Variants in ATP10A observed in about 807,000 individuals in gnomAD.
ATP10A encodes phospholipid-transporting ATPase VA.
ATP10A carries 111 observed loss-of-function variants against 147.8 expected under a neutral mutation model. The observed-to-expected ratio is 0.75, with a 90% CI of 0.64 to 0.88. The LOEUF (loss-of-function observed/expected upper bound fraction) is 0.88, where lower values mean the gene tolerates loss of function less well. ATP10A is among the 40% of genes least tolerant of loss of function. The pLI is 0.00. For synonymous variants in ATP10A, 875 were observed against 841.6 expected (o/e 1.04, Z -0.69); for missense variants, 1,927 against 1,959.0 (o/e 0.98, Z 0.31).
chr15:25,694,693 G>A (rs1319139793), intron 14 of ATP10A, 126 bp downstream of exon 14: 1 of 858,330 alleles, frequency 1.2e-6, no homozygotes, highest in Admixed American at 2.9e-5. Context: ...CTATCACACT[G>A]GGTGTGATTT....
At chr15:25,790,463 T>C (rs7359209) in intron 1 of ATP10A, among the ~76,000 whole-genome samples, 66,536 of 151,986 alleles carry the variant, frequency 0.44, 14,692 homozygotes, top group South Asian at 0.55. Flanking sequence ...AAGGGCTGAA[T>C]GTTGTCCCAG....
chr15:25,679,820 C>A lies in ATP10A; in HGVS notation c.4021G>T (p.Gly1341Trp), dbSNP rs200297626. 123 of 1,612,286 alleles carry A rather than the reference C, an allele frequency of 7.6e-5. 1 individual carries two copies. The East Asian group carries it at 2.7e-3, about 35-fold the overall frequency. The change falls in exon 21 of 21, where the codon GGG (glycine) becomes TGG (tryptophan). Residue 1341 changes from glycine (G) to tryptophan (W), a missense_variant. Coordinates refer to ENST00000555815, the MANE Select transcript of ATP10A (RefSeq NM_024490.4). ...PKDSGTEHSS[G>W]RTVKTSVPLS... ...GGCACAGAGGTCTTGACTGTCCTCC[C>A]TGATGAGTGCTCGGTTCCCGAGTCC...
chr15:25,694,943 C>G lies in ATP10A; in HGVS notation c.2964G>C (p.Glu988Asp). The change falls in exon 14 of 21, where the codon GAG (glutamate) becomes GAC (aspartate). Residue 988 changes from glutamate (E) to aspartate (D), a missense_variant. By Grantham distance (45) the Glu-to-Asp change is conservative. Transcript: ENST00000555815. ...GCTTGGCAAGGAAGAGGAATTTGTC[C>G]TCCAGGTTTTTCTCGAGAGCGTAGG... ...SLAYALEKNLEDKFLFLAKQC... is the reference protein window; with the variant it reads ...SLAYALEKNLDDKFLFLAKQC... The G allele has an allele frequency of 6.2e-7, 1 of 1,614,216 alleles. No homozygotes were observed. The highest frequency in any genetic ancestry group is 8.5e-7 in the Non-Finnish European group (1 of 1,180,034).
chr15:25,696,805 T>A lies in ATP10A; in HGVS notation c.2761-1659A>T, dbSNP rs1900364089. Among the ~76,000 whole-genome samples, 3 of 152,214 alleles carry A rather than the reference T, an allele frequency of 2.0e-5. No individual in the cohort carries two copies. The South Asian group carries it at 6.2e-4, about 32-fold the overall frequency. Reference sequence around the variant, plus strand: ...AAGATGAGGAAGTCTCCAATTTTATTTATTCTTTTTCGTCTATTATTTTGA... The same window carrying A: ...AAGATGAGGAAGTCTCCAATTTTATATATTCTTTTTCGTCTATTATTTTGA... On this transcript the variant is annotated intron_variant, in intron 13 of 20. Transcript: ENST00000555815.
chr15:25,698,135 T>C (rs530865263), intron 13 of ATP10A, among the ~76,000 whole-genome samples: 5 of 152,290 alleles, frequency 3.3e-5, no homozygotes, highest in Admixed American at 3.3e-4. Flanking sequence ...AGGCAATGTA[T>C]GAACTTCAGA....
At chr15:25,828,003 T>C (rs574311404) in intron 1 of ATP10A, among the ~76,000 whole-genome samples, 1 of 152,302 alleles carries the variant, frequency 6.6e-6, no homozygotes, top group East Asian at 1.9e-4. Context: ...TTGGCTATGT[T>C]AGTATTAGAA....
At chr15:25,787,900 AC>A (rs1890243591) in intron 1 of ATP10A, among the ~76,000 whole-genome samples, 1 of 151,996 alleles carries the variant, frequency 6.6e-6, no homozygotes, top group Admixed American at 6.6e-5. Flanking sequence ...TGCAGTTGGG[AC>A]CATCTGAGGT....
intron 1 of ATP10A, 151 bp downstream of exon 1, chr15:25,862,497 G>A (rs1248156275): frequency 2.0e-6 from 2 of 1,006,182 alleles, no homozygotes; most frequent in Non-Finnish European, 2.8e-6. Flanking sequence ...GGCTTCGGTC[G>A]GCACCGGGTC....
intron 1 of ATP10A, among the ~76,000 whole-genome samples, chr15:25,818,607 C>T (rs1199528495): frequency 6.6e-6 from 1 of 152,014 alleles, no homozygotes; most frequent in African/African-American, 2.4e-5. Context: ...AAAAACCATC[C>T]TAAAATTCAT....
chr15:25,847,089 T>G (rs184823518), intron 1 of ATP10A, among the ~76,000 whole-genome samples: 1 of 152,328 alleles, frequency 6.6e-6, no homozygotes, highest in East Asian at 1.9e-4. Flanking sequence ...CTTGTTAAAT[T>G]CTGGGTATTG....
At chr15:25,796,210 G>A (rs1450532098) in intron 1 of ATP10A, among the ~76,000 whole-genome samples, 1 of 152,090 alleles carries the variant, frequency 6.6e-6, no homozygotes, top group Non-Finnish European at 1.5e-5. Flanking sequence ...GCCACGGTGG[G>A]AGGAGTTCGA....
At chr15:25,731,461 C>T (rs1458657426) in intron 3 of ATP10A, among the ~76,000 whole-genome samples, 1 of 152,186 alleles carries the variant, frequency 6.6e-6, no homozygotes, top group Non-Finnish European at 1.5e-5. Flanking sequence ...GACCAACTAA[C>T]CAGCCAACCT....
chr15:25,674,365 C>T (rs563160082), downstream of ATP10A, among the ~76,000 whole-genome samples: 39 of 152,226 alleles, frequency 2.6e-4, no homozygotes, highest in South Asian at 7.7e-3. Context: ...ATGAGAAAGA[C>T]GCTTGGCACT....
chr15:25,742,889 T>C (rs1887644608), intron 2 of ATP10A, among the ~76,000 whole-genome samples: 2 of 152,114 alleles, frequency 1.3e-5, no homozygotes, highest in Non-Finnish European at 2.9e-5. Flanking sequence ...ATTAGCACAG[T>C]GAGATCCACA....
intron 1 of ATP10A, among the ~76,000 whole-genome samples, chr15:25,821,760 A>G (rs1341466870): frequency 6.6e-6 from 1 of 152,212 alleles, no homozygotes; most frequent in African/African-American, 2.4e-5. Flanking sequence ...ATGGCGTAGG[A>G]AACATAATAC....
intron 10 of ATP10A, among the ~76,000 whole-genome samples, chr15:25,712,940 G>C (rs1901531512): frequency 6.6e-6 from 1 of 152,232 alleles, no homozygotes; most frequent in Non-Finnish European, 1.5e-5. Context: ...AGAAAGGCCA[G>C]TGGGAGGTAA....
intron 5 of ATP10A, 76 bp from the exon 6 acceptor site, chr15:25,724,097 A>T: frequency 7.3e-7 from 1 of 1,361,512 alleles, no homozygotes; most frequent in Non-Finnish European, 9.7e-7. Flanking sequence ...ATTAAAGCAA[A>T]ACTTTAATAT....
chr15:25,781,339 T>A (rs1889913225), intron 1 of ATP10A, 116 bp from the exon 2 acceptor site: 1 of 885,294 alleles, frequency 1.1e-6, no homozygotes, highest in Non-Finnish European at 1.7e-6. Flanking sequence ...AGGCTGAAAA[T>A]TTTGATAATA....
At chr15:25,859,258 C>A (rs1893649632) in intron 1 of ATP10A, among the ~76,000 whole-genome samples, 1 of 152,200 alleles carries the variant, frequency 6.6e-6, no homozygotes, top group Non-Finnish European at 1.5e-5. Flanking sequence ...CCGAGGGATG[C>A]CCACCCTGTT....
Sources: allele counts gnomAD v4.1 joint callset (sites outside exome capture counted in the v4.1 genomes callset), GRCh38; gene constraint gnomAD v4.1.1; transcripts MANE v1.5; gene names NCBI Gene and HGNC (gene_info 2026-07-23, HGNC 2026-07-21).